LAMA2: variants seen among roughly 807,000 people sequenced by gnomAD.
LAMA2 encodes laminin subunit alpha-2.
In LAMA2, 269 loss-of-function variants were observed where a neutral mutation model predicts 364.8. The observed-to-expected ratio is 0.74, with a 90% CI of 0.67 to 0.82. LAMA2 has a LOEUF of 0.82. Ranked by LOEUF, LAMA2 falls within the 40% of genes least tolerant of loss-of-function variation. The pLI, the probability that LAMA2 is intolerant of heterozygous loss-of-function variation, is 0.00. For synonymous variants in LAMA2, 1,379 were observed against 1,370.6 expected (o/e 1.01, Z -0.14); for missense variants, 3,807 against 3,873.2 (o/e 0.98, Z 0.45).
At chr6:129,442,969 A>G (rs1334693262) in intron 43 of LAMA2, 94 bp from the exon 44 acceptor site, 2 of 901,186 alleles carry the variant, frequency 2.2e-6, no homozygotes, top group East Asian at 2.7e-5. Flanking sequence ...GAAAAATACC[A>G]TTTTTAGTCA....
chr6:129,109,139 A>G (rs17727238), intron 4 of LAMA2, among the ~76,000 whole-genome samples: 13,177 of 152,120 alleles, frequency 0.087, 686 homozygotes, highest in Middle Eastern at 0.16. Flanking sequence ...ACCGTATTAA[A>G]TAGGCTAGTG....
chr6:129,065,945 C>A (rs1419736078), intron 3 of LAMA2, among the ~76,000 whole-genome samples: 12 of 151,682 alleles, frequency 7.9e-5, no homozygotes, highest in Non-Finnish European at 2.9e-5. Context: ...CAGGACTCCT[C>A]CTTACCTTCC....
chr6:129,428,095 A>G (rs886180443), intron 41 of LAMA2, among the ~76,000 whole-genome samples: 1 of 152,196 alleles, frequency 6.6e-6, no homozygotes, highest in Non-Finnish European at 1.5e-5. Flanking sequence ...CTTCACCTAT[A>G]TCTAATGTAT....
intron 64 of LAMA2, among the ~76,000 whole-genome samples, chr6:129,515,167 TTGA>T (rs1218307046): frequency 6.6e-5 from 10 of 152,128 alleles, no homozygotes; most frequent in Non-Finnish European, 1.2e-4. Context: ...AGTGGCCAAC[TTGA>T]TGAGAAGTAA....
chr6:128,886,506 G>C (rs1205769900), intron 1 of LAMA2, among the ~76,000 whole-genome samples: 1 of 152,108 alleles, frequency 6.6e-6, no homozygotes, highest in African/African-American at 2.4e-5. Context: ...ACACATTTGG[G>C]TATTTCATTG....
In LAMA2 at chr6:129,427,750, A is replaced by G. The variant is rs1554295204; in HGVS notation, c.5866-2A>G. The G allele has an allele frequency of 1.2e-6, 2 of 1,609,038 alleles. No homozygotes were observed. The highest frequency in any genetic ancestry group is 1.7e-6 in the Non-Finnish European group (2 of 1,175,764). ...GTATGACATTTGTTTTTCTGTCCAC[A>G]GGCAACAGGTCCTCGGGGTTTATTA... On this transcript the variant is annotated splice_acceptor_variant, in intron 40 of 64. Transcript: ENST00000421865. LOFTEE classifies it high-confidence loss of function.
chr6:129,398,471 T>C (rs1003355842), intron 37 of LAMA2, among the ~76,000 whole-genome samples: 1 of 131,782 alleles, frequency 7.6e-6, no homozygotes, highest in South Asian at 2.4e-4. Context: ...TCTTTTCTTT[T>C]CTTTTTTTTT....
chr6:128,961,154 A>T (rs1407618944), intron 1 of LAMA2, among the ~76,000 whole-genome samples: 1 of 151,096 alleles, frequency 6.6e-6, no homozygotes, highest in African/African-American at 2.4e-5. Context: ...TGAGCTAAGG[A>T]TGAGAATAAT....
intron 5 of LAMA2, among the ~76,000 whole-genome samples, chr6:129,145,079 A>C (rs906491261): frequency 6.6e-6 from 1 of 152,030 alleles, no homozygotes; most frequent in Non-Finnish European, 1.5e-5. Context: ...GTATGACTAG[A>C]GGTATAGCTA....
intron 1 of LAMA2, among the ~76,000 whole-genome samples, chr6:128,961,137 C>T (rs9492158): frequency 0.087 from 13,101 of 150,436 alleles, 596 homozygotes; most frequent in South Asian, 0.12. Flanking sequence ...TTGTTGAGAA[C>T]GGAGTATGAG....
At chr6:129,388,275 C>G (rs1421427067) in intron 35 of LAMA2, among the ~76,000 whole-genome samples, 57 of 149,210 alleles carry the variant, frequency 3.8e-4, no homozygotes, top group Non-Finnish European at 6.7e-4. Flanking sequence ...AAAACAAAAA[C>G]AAACAAACAA....
chr6:129,099,395 T>C (rs1466861472), intron 4 of LAMA2, among the ~76,000 whole-genome samples: 1 of 152,098 alleles, frequency 6.6e-6, no homozygotes, highest in Admixed American at 6.6e-5. Flanking sequence ...TCCTTAGTCT[T>C]CTCTCAAATA....
intron 1 of LAMA2, among the ~76,000 whole-genome samples, chr6:128,993,817 G>A (rs1783757947): frequency 6.6e-6 from 1 of 152,114 alleles, no homozygotes; most frequent in Non-Finnish European, 1.5e-5. Context: ...ATTAATATAT[G>A]CAGAAGAAAA....
intron 3 of LAMA2, among the ~76,000 whole-genome samples, chr6:129,092,620 G>A (rs140066923): frequency 8.5e-5 from 13 of 152,254 alleles, no homozygotes; most frequent in African/African-American, 2.9e-4. Context: ...AAGCATTTTC[G>A]TTCCATGCAC....
chr6:129,081,978 A>G (rs1336043363), intron 3 of LAMA2, among the ~76,000 whole-genome samples: 1 of 152,170 alleles, frequency 6.6e-6, no homozygotes, highest in African/African-American at 2.4e-5. Flanking sequence ...TATGTCAAAT[A>G]TCTGGGTTTT....
chr6:128,998,552 G>A (rs1376165740), intron 1 of LAMA2, among the ~76,000 whole-genome samples: 2 of 98,998 alleles, frequency 2.0e-5, no homozygotes, highest in Admixed American at 9.0e-5. Flanking sequence ...CACCGTGCGC[G>A]AGCCGAAGCA....
chr6:129,052,168 C>A (rs1256581640), intron 2 of LAMA2, among the ~76,000 whole-genome samples: 1 of 141,748 alleles, frequency 7.1e-6, no homozygotes, highest in Non-Finnish European at 1.5e-5. Context: ...CAGAGTTTCG[C>A]TCTGTCGCCC....
intron 1 of LAMA2, among the ~76,000 whole-genome samples, chr6:129,008,611 T>TA (rs900436556): frequency 6.6e-6 from 1 of 152,218 alleles, no homozygotes; most frequent in African/African-American, 2.4e-5. Flanking sequence ...GTCATTTTAC[T>TA]AAATTTTTGA....
At chr6:129,440,629 C>G (rs1338604182) in intron 42 of LAMA2, among the ~76,000 whole-genome samples, 187 bp from the exon 43 acceptor site, 1 of 152,092 alleles carries the variant, frequency 6.6e-6, no homozygotes, top group Admixed American at 6.6e-5. Context: ...GCAAAAGTCC[C>G]TGAGAAAATT....
Sources: gnomAD v4.1 joint callset for allele counts (sites outside exome capture counted in the v4.1 genomes callset) on GRCh38, gnomAD v4.1.1 for gene constraint, MANE v1.5 for transcripts, NCBI Gene and HGNC (gene_info 2026-07-23, HGNC 2026-07-21) for gene names.